The following NAP1L1 variants were observed in gnomAD, a reference collection of about 807,000 sequenced individuals.
NAP1L1 encodes the protein nucleosome assembly protein 1 like 1.
A neutral mutation model predicts 58.9 loss-of-function variants in NAP1L1; 9 were observed. The ratio of observed to expected loss-of-function variants is 0.15; its 90% CI spans 0.09 to 0.27. The LOEUF is 0.27. NAP1L1 is among the 10% of genes least tolerant of loss of function. The pLI is 1.00. For missense variants in NAP1L1, 302 were observed against 458.8 expected, an observed-to-expected ratio of 0.66 and a Z score of 3.12; for synonymous variants, 130 against 138.3, an observed-to-expected ratio of 0.94 and a Z score of 0.42.
intron 6 of NAP1L1, chr12:76,057,714 G>C (rs759867796): frequency 1.9e-6 from 3 of 1,538,986 alleles, no homozygotes; most frequent in Admixed American, 3.9e-5. Flanking sequence ...GATTAGAGAA[G>C]AATTTTCCAA....
At chr12:76,067,673 T>C (rs1022786778) in intron 3 of NAP1L1, 200 bp from the exon 4 acceptor site, 2 of 465,604 alleles carry the variant, frequency 4.3e-6, no homozygotes, top group Admixed American at 6.3e-5. Context: ...AGATTCCTAA[T>C]CTATCTCTAG....
intron 3 of NAP1L1, 165 bp from the exon 4 acceptor site, chr12:76,067,638 A>G: frequency 1.9e-6 from 1 of 513,082 alleles, no homozygotes; most frequent in South Asian, 3.1e-5. Flanking sequence ...ACACTAAAGG[A>G]AAACCCAATG....
chr12:76,067,219 G>A, intron 4 of NAP1L1, 152 bp downstream of exon 4: 1 of 540,094 alleles, frequency 1.9e-6, no homozygotes, highest in Non-Finnish European at 3.2e-6. Context: ...GTGGTACTAA[G>A]CACAATTTTA....
chr12:76,050,580 C>T lies in NAP1L1; in HGVS notation c.1010G>A (p.Arg337Lys), dbSNP rs539840959. The change falls in exon 12 of 15, where the codon AGA (arginine) becomes AAA (lysine). Residue 337 changes from arginine to lysine, a missense_variant. Arg to Lys is a conservative substitution (Grantham distance 26, BLOSUM62 2). Transcript: ENST00000618691. The stretch of plus-strand genomic sequence containing the variant: ...TTCTCCAGTAAAATATAACACTGAT[C>T]TTGGGATTATACGCTCACGTAAAAA... ...GHFLRERIIP[R>K]SVLYFTGEAI... 1 of 1,612,882 alleles carries T rather than the reference C, an allele frequency of 6.2e-7. No individual in the cohort carries two copies. The highest frequency in any genetic ancestry group is 1.3e-5 in the African/African-American group (1 of 74,956).
rs1226934622 is a variant in NAP1L1 at position 76,053,877 on chromosome 12, A to G, written c.663T>C (p.Asn221=). ...TCAGCACTTCATTTGTAAAATATTCATTGGGTTCAAAGTGAAATTCTAAGA... is the reference window on the plus strand; with the variant it reads ...TCAGCACTTCATTTGTAAAATATTCGTTGGGTTCAAAGTGAAATTCTAAGA... ...SFVLEFHFEP[N]EYFTNEVLTK... is the part of the protein sequence containing the mutation. Residue 221 remains asparagine, a synonymous_variant, in exon 9 of 15, where the codon AAT becomes AAC. Coordinates refer to ENST00000618691, the MANE Select transcript of NAP1L1 (RefSeq NM_004537.7). 1.3e-6 allele frequency: 2 copies of G among 1,595,326 alleles called. No individual in the cohort carries two copies. The highest frequency in any genetic ancestry group is 1.7e-6 in the Non-Finnish European group (2 of 1,175,426).
At chr12:76,055,936 T>C in intron 7 of NAP1L1, 97 bp downstream of exon 7, 1 of 1,279,508 alleles carries the variant, frequency 7.8e-7, no homozygotes, top group Non-Finnish European at 1.1e-6. Context: ...GCAATCATTC[T>C]AGAAAGATCA....
intron 12 of NAP1L1, 67 bp from the exon 13 acceptor site, chr12:76,049,852 C>T: frequency 6.5e-7 from 1 of 1,543,596 alleles, no homozygotes; most frequent in Non-Finnish European, 8.9e-7. Context: ...GCATCAGTAA[C>T]ATTTATCACT....
At chr12:76,070,869 T>C (rs1031447347) in intron 2 of NAP1L1, among the ~76,000 whole-genome samples, 1 of 152,194 alleles carries the variant, frequency 6.6e-6, no homozygotes, top group African/African-American at 2.4e-5. Context: ...AAACGTTATG[T>C]AAATAGTTGT....
chr12:76,059,680 A>C lies in NAP1L1; in HGVS notation c.429+118T>G, dbSNP rs1196543613. 4 of 715,526 alleles carry C rather than the reference A, an allele frequency of 5.6e-6. No individual in the cohort carries two copies. The East Asian group carries it at 8.9e-5, about 16-fold the overall frequency. 44.3% of individuals were successfully genotyped at this position (715,526 alleles called of 1,614,324 possible). On this transcript the variant is annotated intron_variant, in intron 6 of 14. Transcript: ENST00000618691. The stretch of plus-strand genomic sequence containing the variant: ...CGTGTAATAAAGACGTAAAATTAAA[A>C]AATGAAAAAATACAACTGGTTATAT...
intron 4 of NAP1L1, chr12:76,060,893 GACC>G: frequency 8.2e-6 from 2 of 244,564 alleles, no homozygotes; most frequent in South Asian, 7.7e-5. Flanking sequence ...AAAAACTCAA[GACC>G]AGCCTGGGCA....
chr12:76,058,191 C>CTTCATATATATATA lies in NAP1L1; in HGVS notation c.429+1606_429+1607insTATATATATATGAA, dbSNP rs1243475241. 111 of 315,532 alleles carry CTTCATATATATATA rather than the reference C, an allele frequency of 3.5e-4. 6 individuals carry two copies. In the African/African-American group the frequency reaches 4.5e-3, roughly 13 times the overall value. The allele number at this position is 315,532 out of a possible 1,614,324, so 19.5% of individuals were successfully genotyped here. On this transcript the variant is annotated intron_variant, in intron 6 of 14. Transcript: ENST00000618691. ...TAGATATGGCCAAAGGGAGAGAGGC[C>CTTCATATATATATA]TACATATATATATATATATATATAT...
Position 76,050,616 on chromosome 12 carries a change from T to G in NAP1L1, c.974A>C (p.Glu325Ala). Reference protein sequence around the residue: ...DAEAILAADFEIGHFLRERII... With the variant: ...DAEAILAADFAIGHFLRERII... ...ACGCTCACGTAAAAAGTGACCAATT[T>G]CGAAGTCTGCAGCAAGGATAGCTTC... is the stretch of plus-strand genomic sequence containing the variant. Residue 325 changes from glutamate to alanine, a missense_variant, in exon 12 of 15, where the codon GAA becomes GCA. Coordinates refer to ENST00000618691, the MANE Select transcript of NAP1L1 (RefSeq NM_004537.7). 1 of 1,612,750 alleles carries G rather than the reference T, an allele frequency of 6.2e-7. No individual in the cohort carries two copies. The highest frequency in any genetic ancestry group is 8.5e-7 in the Non-Finnish European group (1 of 1,179,686).
intron 1 of NAP1L1, among the ~76,000 whole-genome samples, chr12:76,077,734 A>G (rs1950235560): frequency 6.6e-6 from 1 of 152,122 alleles, no homozygotes; most frequent in Non-Finnish European, 1.5e-5. Flanking sequence ...CTGTAATCCT[A>G]GCACTTTGAA....
intron 2 of NAP1L1, chr12:76,073,904 T>C (rs1172333755): frequency 7.3e-6 from 2 of 274,078 alleles, no homozygotes; most frequent in East Asian, 1.4e-4. Context: ...TTGGGAAATA[T>C]ATACAATAAA....
chr12:76,074,870 C>T lies in NAP1L1; in HGVS notation c.-20-631G>A, dbSNP rs572855955. On this transcript the variant is annotated intron_variant, in intron 1 of 14. Coordinates refer to ENST00000618691, the MANE Select transcript of NAP1L1 (RefSeq NM_004537.7). ...TATCTCTCCAAATGTACATGTACCT[C>T]ATGTTAGATAACTGACAACCACCAA... Among the ~76,000 whole-genome samples, 51 of 152,222 alleles carry T rather than the reference C, an allele frequency of 3.4e-4. No individual in the cohort carries two copies. In the South Asian group the frequency reaches 0.01, roughly 31 times the overall value.
In NAP1L1 at chr12:76,068,983, G is replaced by A; in HGVS notation, c.29C>T (p.Ser10Phe). 1 of 1,611,750 alleles carries A rather than the reference G, an allele frequency of 6.2e-7. No individual in the cohort carries two copies. The highest frequency in any genetic ancestry group is 2.2e-5 in the East Asian group (1 of 44,812). Reference sequence around the variant, plus strand: ...ATCATCCAAATCTTGATCAAGTTCAGACTGTTCTTTGCTATAATATCATAG... The same window carrying A: ...ATCATCCAAATCTTGATCAAGTTCAAACTGTTCTTTGCTATAATATCATAG... MADIDNKEQSELDQDLDDVE... is the reference protein window; with the variant it reads MADIDNKEQFELDQDLDDVE... The change falls in exon 3 of 15, where the codon TCT becomes TTT. Residue 10 changes from serine to phenylalanine, a missense_variant. Ser to Phe is a radical substitution (Grantham distance 155). Coordinates refer to ENST00000618691, the MANE Select transcript of NAP1L1 (RefSeq NM_004537.7).
At chr12:76,053,633 G>T in intron 9 of NAP1L1, 137 bp downstream of exon 9, 1 of 1,086,716 alleles carries the variant, frequency 9.2e-7, no homozygotes. Flanking sequence ...AACTTGATAA[G>T]CACTTTTCAG....
chr12:76,079,465 A>C (rs1470828348), intron 1 of NAP1L1, among the ~76,000 whole-genome samples: 1 of 152,206 alleles, frequency 6.6e-6, no homozygotes, highest in African/African-American at 2.4e-5. Flanking sequence ...GTGCCACTGC[A>C]CTTCAACATA....
intron 6 of NAP1L1, 105 bp from the exon 7 acceptor site, chr12:76,056,266 A>C (rs937451348): frequency 4.6e-5 from 53 of 1,164,752 alleles, no homozygotes; most frequent in Non-Finnish European, 6.4e-5. Flanking sequence ...TATTACCTTC[A>C]AAGTTCTAGT....
Sources: allele counts gnomAD v4.1 joint callset (sites outside exome capture counted in the v4.1 genomes callset), GRCh38; gene constraint gnomAD v4.1.1; transcripts MANE v1.5; gene names NCBI Gene and HGNC (gene_info 2026-07-23, HGNC 2026-07-21).